ANO3: variants seen among roughly 807,000 people sequenced by gnomAD.
The protein encoded by ANO3 is anoctamin-3.
ANO3 carries 99 observed loss-of-function variants against 144.8 expected under a neutral mutation model. That is an observed-to-expected ratio of 0.68 (90% CI 0.58 to 0.81). The LOEUF (loss-of-function observed/expected upper bound fraction) is 0.81. ANO3 is among the 30% of genes least tolerant of loss of function. The probability of loss-of-function intolerance (pLI) is 0.00; values close to 1 mark genes in which losing one functional copy is unlikely to be tolerated. For missense variants in ANO3, 905 were observed against 1,202.2 expected (o/e 0.75, Z 3.66); for synonymous variants, 414 against 392.6 (o/e 1.05, Z -0.64).
chr11:26,560,769 A>G (rs892507287), intron 14 of ANO3: 1 of 259,646 alleles, frequency 3.9e-6, no homozygotes, highest in East Asian at 1.0e-4. Flanking sequence ...GCAGGGCTGT[A>G]ATGGTGAAAT....
intron 1 of ANO3, among the ~76,000 whole-genome samples, chr11:26,324,475 C>T (rs1854836350): frequency 6.6e-6 from 1 of 152,148 alleles, no homozygotes; most frequent in African/African-American, 2.4e-5. Flanking sequence ...TAGCTGACTA[C>T]TAAGAAATTG....
At chr11:26,389,840 T>C (rs1856830033) in intron 1 of ANO3, among the ~76,000 whole-genome samples, 1 of 152,130 alleles carries the variant, frequency 6.6e-6, no homozygotes, top group African/African-American at 2.4e-5. Context: ...TCTAGAATTC[T>C]AGAATTTAAA....
intron 1 of ANO3, among the ~76,000 whole-genome samples, chr11:26,407,072 G>GTA (rs1453977441): frequency 9.9e-5 from 10 of 101,464 alleles, no homozygotes; most frequent in African/African-American, 2.5e-4. Flanking sequence ...GTGTGTGTGT[G>GTA]TGTGTATATA....
At chr11:26,633,455 C>G (rs947508937) in intron 18 of ANO3, among the ~76,000 whole-genome samples, 1 of 152,146 alleles carries the variant, frequency 6.6e-6, no homozygotes, top group Non-Finnish European at 1.5e-5. Context: ...CTCTTTACCT[C>G]TTTACCATTT....
chr11:26,553,221 TTTG>T, intron 12 of ANO3, 25 bp from the exon 13 acceptor site: 2 of 1,197,358 alleles, frequency 1.7e-6, no homozygotes, highest in Non-Finnish European at 2.3e-6. Flanking sequence ...TATGTTTTGT[TTTG>T]TTTTTGTTTT....
intron 1 of ANO3, among the ~76,000 whole-genome samples, chr11:26,275,624 G>T (rs190327940): frequency 6.6e-5 from 10 of 152,238 alleles, no homozygotes; most frequent in Admixed American, 5.9e-4. Flanking sequence ...GTTTTCTAAA[G>T]TCATACTGTA....
chr11:26,407,202 G>C (rs1857311895), intron 1 of ANO3, among the ~76,000 whole-genome samples: 1 of 150,860 alleles, frequency 6.6e-6, no homozygotes, highest in Non-Finnish European at 1.5e-5. Flanking sequence ...AAGTGTTCCA[G>C]TTAGTCTTCT....
At chr11:26,570,784 C>T (rs930715036) in intron 14 of ANO3, among the ~76,000 whole-genome samples, 1 of 152,014 alleles carries the variant, frequency 6.6e-6, no homozygotes, top group African/African-American at 2.4e-5. Context: ...GAGTGTTACT[C>T]TGAGTGACTT....
chr11:26,376,771 G>A (rs1353691751), intron 1 of ANO3, among the ~76,000 whole-genome samples: 1 of 152,106 alleles, frequency 6.6e-6, no homozygotes, highest in Non-Finnish European at 1.5e-5. Flanking sequence ...AATGAATTTT[G>A]TACTTTATTT....
chr11:26,397,233 C>G (rs1857039370), intron 1 of ANO3, among the ~76,000 whole-genome samples: 1 of 151,878 alleles, frequency 6.6e-6, no homozygotes. Flanking sequence ...TACTTTGAAC[C>G]TCAGTGTTCT....
At chr11:26,640,304 A>T (rs571470682) in intron 21 of ANO3, among the ~76,000 whole-genome samples, 12 of 152,196 alleles carry the variant, frequency 7.9e-5, no homozygotes, top group Non-Finnish European at 1.5e-5. Context: ...TTAAACCTTC[A>T]TCATAAACGA....
At chr11:26,277,108 C>A (rs1003865935) in intron 1 of ANO3, among the ~76,000 whole-genome samples, 1 of 151,990 alleles carries the variant, frequency 6.6e-6, no homozygotes, top group African/African-American at 2.4e-5. Flanking sequence ...AGAAATAAAT[C>A]CATCCATATA....
chr11:26,635,348 T>A (rs113188852), intron 20 of ANO3, among the ~76,000 whole-genome samples: 106 of 151,556 alleles, frequency 7.0e-4, no homozygotes, highest in Admixed American at 2.2e-3. Context: ...CCTTTTTTTT[T>A]AAATTATTAT....
chr11:26,268,444 T>A (rs1330510753), intron 1 of ANO3, among the ~76,000 whole-genome samples: 2 of 152,112 alleles, frequency 1.3e-5, no homozygotes, highest in Non-Finnish European at 2.9e-5. Context: ...GTTTGATCCC[T>A]CCAGCACCCT....
intron 1 of ANO3, among the ~76,000 whole-genome samples, chr11:26,261,636 C>T (rs1853191688): frequency 1.3e-5 from 2 of 152,196 alleles, no homozygotes; most frequent in Admixed American, 1.3e-4. Flanking sequence ...ACACTTTATT[C>T]CACAACCGAC....
chr11:26,639,277 G>T, intron 21 of ANO3, 36 bp downstream of exon 21: 1 of 1,524,326 alleles, frequency 6.6e-7, no homozygotes, highest in Non-Finnish European at 9.1e-7. Flanking sequence ...CTTATGTCTA[G>T]TTACAAAGAG....
chr11:26,374,876 T>G (rs1856362067), intron 1 of ANO3, among the ~76,000 whole-genome samples: 1 of 152,180 alleles, frequency 6.6e-6, no homozygotes, highest in Admixed American at 6.5e-5. Context: ...CCTGAGTAAC[T>G]GGGATTACAG....
At chr11:26,535,430 T>C (rs1367636892) in intron 9 of ANO3, among the ~76,000 whole-genome samples, 2 of 152,086 alleles carry the variant, frequency 1.3e-5, no homozygotes, top group Non-Finnish European at 1.5e-5. Context: ...ACGAAATGCT[T>C]GAAGGGATCA....
rs202118150 is a variant in ANO3, at chr11:26,256,524, TAA to T, written c.155-53120_155-53119del. 7.5e-3 allele frequency among the ~76,000 whole-genome samples: 1,143 copies of T among 152,262 alleles called. 12 individuals are homozygous for T. Among genetic ancestry groups the T allele is most frequent in the African/African-American group, 0.026 (1,080 of 41,570 alleles). On this transcript the variant is annotated intron_variant, in intron 1 of 27. Transcript: ENST00000672621. ...TTTAATTTCCCACTTACTAACTATATAAGTTAGACCAGGTCACCTTAATCTCA... is the reference window on the plus strand; with the variant it reads ...TTTAATTTCCCACTTACTAACTATATGTTAGACCAGGTCACCTTAATCTCA...
Sources: gnomAD v4.1 joint callset for allele counts (sites outside exome capture counted in the v4.1 genomes callset) on GRCh38, gnomAD v4.1.1 for gene constraint, MANE v1.5 for transcripts, NCBI Gene and HGNC (gene_info 2026-07-23, HGNC 2026-07-21) for gene names.